CHRM3: variants seen among roughly 807,000 people sequenced by gnomAD.
The protein encoded by CHRM3 is muscarinic acetylcholine receptor M3.
Under a neutral mutation model 41.8 loss-of-function variants are expected in CHRM3, and 11 were observed. The ratio of observed to expected loss-of-function variants is 0.26; its 90% CI spans 0.17 to 0.44. The LOEUF is 0.44. CHRM3 is among the 20% of genes least tolerant of loss of function. The probability of loss-of-function intolerance (pLI) is 1.00; values close to 1 mark genes in which losing one functional copy is unlikely to be tolerated. For missense variants in CHRM3, 571 were observed against 745.4 expected (o/e 0.77, Z 2.72); for synonymous variants, 297 against 301.4 (o/e 0.99, Z 0.15).
At chr1:239,492,322 G>C (rs1242836750) in intron 1 of CHRM3, among the ~76,000 whole-genome samples, 1 of 152,096 alleles carries the variant, frequency 6.6e-6, no homozygotes, top group African/African-American at 2.4e-5. Context: ...TCCCATAGTA[G>C]GTAGATTTTG....
intron 5 of CHRM3, among the ~76,000 whole-genome samples, chr1:239,800,577 G>C (rs1400427436): frequency 2.0e-5 from 3 of 152,182 alleles, no homozygotes; most frequent in Non-Finnish European, 4.4e-5. Flanking sequence ...CTGTTGGTCA[G>C]AGTGAAGTCT....
intron 5 of CHRM3, among the ~76,000 whole-genome samples, chr1:239,737,575 C>T (rs1664494580): frequency 6.6e-6 from 1 of 152,188 alleles, no homozygotes; most frequent in African/African-American, 2.4e-5. Flanking sequence ...ACATCCTCTG[C>T]TCCTCAACCT....
chr1:239,870,897 G>A (rs752250248), intron 6 of CHRM3, among the ~76,000 whole-genome samples: 4 of 152,082 alleles, frequency 2.6e-5, no homozygotes, highest in Non-Finnish European at 4.4e-5. Context: ...CTGAAAGCCA[G>A]ATTCACTTCA....
chr1:239,671,643 C>T (rs1674378224), intron 4 of CHRM3, among the ~76,000 whole-genome samples: 1 of 151,964 alleles, frequency 6.6e-6, no homozygotes, highest in Non-Finnish European at 1.5e-5. Flanking sequence ...GCCTGTTGTC[C>T]CATTATTGAA....
chr1:239,552,634 T>TATC, intron 3 of CHRM3, among the ~76,000 whole-genome samples: 1 of 134,212 alleles, frequency 7.5e-6, no homozygotes, highest in South Asian at 2.2e-4. Context: ...CTAATATTAT[T>TATC]ATTATTATTA....
intron 2 of CHRM3, among the ~76,000 whole-genome samples, chr1:239,536,042 C>G (rs1288622718): frequency 1.3e-5 from 2 of 152,136 alleles, no homozygotes; most frequent in Admixed American, 1.3e-4. Context: ...ATTTAAGCCC[C>G]TTCATTGTAT....
intron 4 of CHRM3, among the ~76,000 whole-genome samples, chr1:239,668,906 C>G (rs1465820394): frequency 6.6e-6 from 1 of 152,174 alleles, no homozygotes; most frequent in African/African-American, 2.4e-5. Flanking sequence ...ATGCCATATT[C>G]CACTTTACAC....
intron 1 of CHRM3, among the ~76,000 whole-genome samples, chr1:239,423,213 C>G (rs1396848115): frequency 6.6e-6 from 1 of 152,148 alleles, no homozygotes; most frequent in East Asian, 1.9e-4. Flanking sequence ...TTTTCTTGAT[C>G]TCTTTTAGAA....
chr1:239,412,796 G>A lies in CHRM3; in HGVS notation c.-521+25569G>A, dbSNP rs568638116. Among the ~76,000 whole-genome samples, 48 of 152,096 alleles carry A rather than the reference G, an allele frequency of 3.2e-4. 1 individual carries two copies. The Middle Eastern group carries it at 0.01, about 32-fold the overall frequency. On this transcript the variant is annotated intron_variant, in intron 1 of 6. Transcript: ENST00000676153. ...TCATAATTATTAGATTATTATTAATGGTCCACCAGAACACAGACTTATTTC... is the reference window on the plus strand; with the variant it reads ...TCATAATTATTAGATTATTATTAATAGTCCACCAGAACACAGACTTATTTC...
chr1:239,502,393 A>T (rs1234886561), intron 2 of CHRM3, among the ~76,000 whole-genome samples: 1 of 152,150 alleles, frequency 6.6e-6, no homozygotes, highest in East Asian at 1.9e-4. Context: ...GAAGAATTAG[A>T]TACTCTGAAC....
At chr1:239,726,781 G>A (rs184652790) in intron 5 of CHRM3, among the ~76,000 whole-genome samples, 190 of 152,042 alleles carry the variant, frequency 1.2e-3, no homozygotes, top group South Asian at 3.7e-3. Flanking sequence ...TCAAGAAATG[G>A]TGTGTTGATG....
At chr1:239,701,247 G>A (rs1660658161) in intron 5 of CHRM3, among the ~76,000 whole-genome samples, 1 of 152,170 alleles carries the variant, frequency 6.6e-6, no homozygotes, top group African/African-American at 2.4e-5. Context: ...AGAATTTTGA[G>A]GACTTTTTGG....
At chr1:239,630,390 C>A (rs1669680121) in intron 3 of CHRM3, among the ~76,000 whole-genome samples, 1 of 152,120 alleles carries the variant, frequency 6.6e-6, no homozygotes, top group Non-Finnish European at 1.5e-5. Flanking sequence ...TACTGAGCAA[C>A]TACTATGCAC....
intron 6 of CHRM3, among the ~76,000 whole-genome samples, chr1:239,873,628 A>C (rs113681218): frequency 6.6e-6 from 1 of 151,972 alleles, no homozygotes; most frequent in African/African-American, 2.4e-5. Flanking sequence ...CTTTGCACCT[A>C]TCACTGTCTG....
At chr1:239,810,153 A>G (rs1404051958) in intron 5 of CHRM3, among the ~76,000 whole-genome samples, 1 of 152,172 alleles carries the variant, frequency 6.6e-6, no homozygotes, top group African/African-American at 2.4e-5. Flanking sequence ...CTGCCAGCAT[A>G]TAATGACTCT....
intron 1 of CHRM3, among the ~76,000 whole-genome samples, chr1:239,399,121 G>T (rs1659743406): frequency 6.6e-6 from 1 of 152,172 alleles, no homozygotes; most frequent in African/African-American, 2.4e-5. Context: ...AACAGGTAAC[G>T]ATGGTGATGA....
intron 3 of CHRM3, among the ~76,000 whole-genome samples, chr1:239,574,707 A>G (rs67802170): frequency 0.041 from 6,286 of 152,128 alleles, 163 homozygotes; most frequent in East Asian, 0.11. Flanking sequence ...ATTATGTTCA[A>G]TGAGGGAAAT....
intron 5 of CHRM3, among the ~76,000 whole-genome samples, chr1:239,799,209 G>A (rs1275952016): frequency 6.6e-6 from 1 of 152,176 alleles, no homozygotes; most frequent in African/African-American, 2.4e-5. Context: ...AATGGACCGG[G>A]AACTTAACAG....
At chr1:239,638,782 T>C (rs2148906093) in intron 4 of CHRM3, among the ~76,000 whole-genome samples, 1 of 152,338 alleles carries the variant, frequency 6.6e-6, no homozygotes, top group South Asian at 2.1e-4. Context: ...ATCCCATTTG[T>C]CAATTTTGGC....
Sources: allele counts gnomAD v4.1 joint callset (sites outside exome capture counted in the v4.1 genomes callset), GRCh38; gene constraint gnomAD v4.1.1; transcripts MANE v1.5; gene names NCBI Gene and HGNC (gene_info 2026-07-23, HGNC 2026-07-21).